Variants in NREP observed in about 807,000 individuals in gnomAD.
The protein encoded by NREP is neuronal regeneration-related protein.
A neutral mutation model predicts 8.6 loss-of-function variants in NREP; 5 were observed. That is an observed-to-expected ratio of 0.58 (90% CI 0.30 to 1.22). The LOEUF (loss-of-function observed/expected upper bound fraction) is 1.22, where lower values mean the gene tolerates loss of function less well. Among genes scored for constraint, NREP ranks in the 50% most tolerant of loss-of-function variants. NREP has a pLI of 0.07. For missense variants in NREP, 86 were observed against 82.5 expected (o/e 1.04, Z -0.17); for synonymous variants, 27 against 28.0 (o/e 0.96, Z 0.11).
chr5:111,746,238 AT>A (rs140846352), intron 2 of NREP, among the ~76,000 whole-genome samples: 6,849 of 151,322 alleles, frequency 0.045, 210 homozygotes, highest in Non-Finnish European at 0.061. Context: ...AGTGGTTATC[AT>A]TTTTTTTTAA....
intron 2 of NREP, among the ~76,000 whole-genome samples, chr5:111,916,832 A>C (rs1486281348): frequency 6.6e-6 from 1 of 152,152 alleles, no homozygotes; most frequent in Non-Finnish European, 1.5e-5. Context: ...CCATATGGGT[A>C]TGCAGCAACC....
intron 2 of NREP, among the ~76,000 whole-genome samples, chr5:111,933,939 G>A (rs1319047451): frequency 1.3e-5 from 2 of 152,108 alleles, no homozygotes; most frequent in Non-Finnish European, 2.9e-5. Flanking sequence ...TAAAAAGAGC[G>A]AGGTTTGGTA....
chr5:111,822,148 A>C (rs1445885389), intron 2 of NREP, among the ~76,000 whole-genome samples: 1 of 152,212 alleles, frequency 6.6e-6, no homozygotes, highest in Non-Finnish European at 1.5e-5. Flanking sequence ...ATTGAAAACA[A>C]CTAAAAAAAG....
intron 2 of NREP, chr5:111,739,575 A>T (rs971188980): frequency 1.3e-5 from 2 of 152,222 alleles, no homozygotes; most frequent in African/African-American, 4.8e-5. Flanking sequence ...TGCTTGCTGA[A>T]CTGTAAAGCT....
At chr5:111,969,739 T>A (rs924332290) in intron 2 of NREP, among the ~76,000 whole-genome samples, 2 of 152,190 alleles carry the variant, frequency 1.3e-5, no homozygotes, top group Admixed American at 1.3e-4. Context: ...GTTTTACATA[T>A]ACTGTAGGTT....
At chr5:111,762,648 C>G (rs569848054), upstream of NREP, among the ~76,000 whole-genome samples, 1 of 152,118 alleles carries the variant, frequency 6.6e-6, no homozygotes, top group Admixed American at 6.5e-5. Flanking sequence ...GAAGACCACA[C>G]GAAGATGTGG....
Position 111,770,920 on chromosome 5 carries a change from A to G in NREP, c.136-35413T>C, listed in dbSNP as rs1194464650. On this transcript the variant is annotated intron_variant, in intron 2 of 3. Coordinates refer to the NREP transcript ENST00000395634. The stretch of plus-strand genomic sequence containing the variant: ...CAGCAAGCAAGAGAAGAAGAGCTCC[A>G]GCTTAATTTGAATGAGTTCTTTCAA... Among the ~76,000 whole-genome samples, 4 of 152,292 alleles carry G rather than the reference A, an allele frequency of 2.6e-5. No individual in the cohort carries two copies. The East Asian group carries it at 7.7e-4, about 29-fold the overall frequency.
intron 2 of NREP, among the ~76,000 whole-genome samples, chr5:111,917,435 C>G (rs1398750348): frequency 6.6e-6 from 1 of 152,092 alleles, no homozygotes; most frequent in Non-Finnish European, 1.5e-5. Context: ...AATATCCCTG[C>G]TGAACACCAA....
rs113244506 is a variant in NREP, at chr5:111,897,972, A to C, written c.135+77302T>G. On this transcript the variant is annotated intron_variant, in intron 2 of 3. Transcript: ENST00000395634. ...TTTCTTATTAATAGCAAAAGTATTC[A>C]AGTCCATAAATTTTTCTCAAAATAC... Among the ~76,000 whole-genome samples, 784 of 152,298 alleles carry C rather than the reference A, an allele frequency of 5.1e-3. 5 individuals are homozygous for C. The highest frequency in any genetic ancestry group is 0.018 in the African/African-American group (733 of 41,580).
chr5:111,929,952 C>A (rs1755491083), intron 2 of NREP, among the ~76,000 whole-genome samples: 1 of 152,154 alleles, frequency 6.6e-6, no homozygotes, highest in Non-Finnish European at 1.5e-5. Flanking sequence ...CCTTTATATT[C>A]CCCTGAATTT....
chr5:111,772,421 T>G (rs759306870), intron 2 of NREP, among the ~76,000 whole-genome samples: 8 of 152,354 alleles, frequency 5.3e-5, no homozygotes, highest in Non-Finnish European at 7.3e-5. Context: ...ATTTTCATCA[T>G]TAATATACAA....
chr5:111,757,232 G>C (rs1174753095), upstream of NREP: 4 of 546,360 alleles, frequency 7.3e-6, no homozygotes, highest in Non-Finnish European at 9.2e-6. Context: ...GACAGATTGG[G>C]GGGGGAGGGG....
chr5:111,897,187 G>A (rs921413437), intron 2 of NREP, among the ~76,000 whole-genome samples: 8 of 151,854 alleles, frequency 5.3e-5, no homozygotes, highest in African/African-American at 1.7e-4. Context: ...TACAACATAG[G>A]GAAGGCAGAT....
intron 2 of NREP, among the ~76,000 whole-genome samples, chr5:111,822,954 C>T (rs1017852790): frequency 2.6e-5 from 4 of 152,162 alleles, no homozygotes; most frequent in African/African-American, 7.2e-5. Flanking sequence ...ATTTATGTTG[C>T]TGTAAAGGAA....
chr5:111,969,993 G>C lies in NREP; in HGVS notation c.135+5281C>G, dbSNP rs75968501. 6.5e-3 allele frequency among the ~76,000 whole-genome samples: 992 copies of C among 152,240 alleles called. 15 individuals carry two copies. The highest frequency in any genetic ancestry group is 0.023 in the African/African-American group (954 of 41,538). On this transcript the variant is annotated intron_variant, in intron 2 of 3. Coordinates refer to the NREP transcript ENST00000395634. Reference sequence around the variant, plus strand: ...TGAACTGTACTTCCACACTCATTTGGTACAAAATCTAATAATAGAATTATA... The same window carrying C: ...TGAACTGTACTTCCACACTCATTTGCTACAAAATCTAATAATAGAATTATA...
Position 111,773,422 on chromosome 5 carries a change from C to T in NREP, c.136-37915G>A, listed in dbSNP as rs114551157. Among the ~76,000 whole-genome samples, 753 of 152,290 alleles carry T rather than the reference C, an allele frequency of 4.9e-3. 1 individual carries two copies. The highest frequency in any genetic ancestry group is 0.017 in the African/African-American group (707 of 41,566). ...GTGGTCACACAGTGCTTTTATTTCA[C>T]ATAAACCAAGAATTAGCAGCTAATG... On this transcript the variant is annotated intron_variant, in intron 2 of 3. Coordinates refer to the NREP transcript ENST00000395634.
At chr5:111,774,533 C>T (rs1376258337) in intron 2 of NREP, among the ~76,000 whole-genome samples, 1 of 152,104 alleles carries the variant, frequency 6.6e-6, no homozygotes, top group Non-Finnish European at 1.5e-5. Flanking sequence ...AGGAGAAAGG[C>T]CACAGAAAGG....
chr5:111,774,127 T>G (rs1327589324), intron 2 of NREP, among the ~76,000 whole-genome samples: 1 of 151,990 alleles, frequency 6.6e-6, no homozygotes, highest in Non-Finnish European at 1.5e-5. Flanking sequence ...TAGCATTGAT[T>G]TAGTTCTCCT....
At chr5:111,762,226 T>C (rs1750976125), upstream of NREP, among the ~76,000 whole-genome samples, 1 of 152,090 alleles carries the variant, frequency 6.6e-6, no homozygotes, top group South Asian at 2.1e-4. Context: ...GATTCTGGCT[T>C]TGTGACTGCT....
Sources: gnomAD v4.1 joint callset for allele counts (sites outside exome capture counted in the v4.1 genomes callset) on GRCh38, gnomAD v4.1.1 for gene constraint, MANE v1.5 for transcripts, NCBI Gene and HGNC (gene_info 2026-07-23, HGNC 2026-07-21) for gene names.